The following NINL variants were observed in gnomAD, a reference collection of about 807,000 sequenced individuals.
NINL encodes ninein-like protein.
Under a neutral mutation model 160.3 loss-of-function variants are expected in NINL, and 153 were observed. The observed-to-expected ratio is 0.95, with a 90% CI of 0.84 to 1.09. The LOEUF is 1.09. NINL is among the 50% of genes least tolerant of loss of function. The pLI is 0.00. For synonymous variants in NINL, 800 were observed against 734.8 expected (o/e 1.09, Z -1.43); for missense variants, 1,829 against 1,764.0 (o/e 1.04, Z -0.66).
chr20:25,528,689 T>C (rs1471481965), intron 1 of NINL, among the ~76,000 whole-genome samples: 6 of 152,068 alleles, frequency 3.9e-5, no homozygotes, highest in Non-Finnish European at 2.9e-5. Flanking sequence ...CCTAAAGATA[T>C]TCAGATAAAC....
At chr20:25,532,847 T>C (rs756365245) in intron 1 of NINL, among the ~76,000 whole-genome samples, 4 of 152,164 alleles carry the variant, frequency 2.6e-5, no homozygotes, top group Non-Finnish European at 2.9e-5. Flanking sequence ...ATACACCCGA[T>C]AGAACCTGTC....
At chr20:25,531,278 T>A (rs533246530) in intron 1 of NINL, among the ~76,000 whole-genome samples, 103 of 152,322 alleles carry the variant, frequency 6.8e-4, no homozygotes, top group Non-Finnish European at 1.2e-3. Context: ...GATTTCATAT[T>A]GTTCAAACAC....
chr20:25,550,235 C>G (rs1483502960), intron 1 of NINL, among the ~76,000 whole-genome samples: 1 of 152,170 alleles, frequency 6.6e-6, no homozygotes, highest in Non-Finnish European at 1.5e-5. Context: ...ATTAGCCGGG[C>G]ATGGTGGCAT....
At chr20:25,526,374 G>A (rs751418459) in intron 2 of NINL, 34 bp downstream of exon 2, 1 of 1,567,436 alleles carries the variant, frequency 6.4e-7, no homozygotes, top group Non-Finnish European at 8.7e-7. Flanking sequence ...TAGACCCCGT[G>A]CTTTCCTTTA....
intron 3 of NINL, among the ~76,000 whole-genome samples, chr20:25,516,086 G>A (rs2064155287): frequency 1.3e-5 from 2 of 152,156 alleles, no homozygotes; most frequent in South Asian, 2.1e-4. Context: ...AGATCTGGTT[G>A]TTTAAAAGTG....
chr20:25,543,141 T>C lies in NINL; in HGVS notation c.-11-16543A>G, dbSNP rs1201708760. On this transcript the variant is annotated intron_variant, in intron 1 of 23. Transcript: ENST00000278886. ...ATCTGTTTGTAGATGATACAATCTG[T>C]GTAGAAAATCCTAAAGATTACACAG... Among the ~76,000 whole-genome samples the C allele has an allele frequency of 3.9e-5, 6 of 152,016 alleles. No homozygotes were observed. In the East Asian group the frequency reaches 1.2e-3, roughly 29 times the overall value.
At chr20:25,523,406 C>A (rs1225374426) in intron 2 of NINL, among the ~76,000 whole-genome samples, 1 of 152,016 alleles carries the variant, frequency 6.6e-6, no homozygotes, top group South Asian at 2.1e-4. Flanking sequence ...TGCATGCCAC[C>A]ACATCCAGCT....
chr20:25,489,211 T>C (rs758381436), intron 13 of NINL, 33 bp downstream of exon 13: 28 of 1,604,668 alleles, frequency 1.7e-5, no homozygotes, highest in Non-Finnish European at 2.4e-5. Context: ...AGCCTGGACA[T>C]GAGACTAAAA....
chr20:25,563,579 A>C (rs1014311728), intron 1 of NINL, among the ~76,000 whole-genome samples: 1 of 149,214 alleles, frequency 6.7e-6, no homozygotes, highest in African/African-American at 2.5e-5. Context: ...TGGTCTAAAC[A>C]CACCAATTAA....
At chr20:25,564,043 T>C (rs543044444) in intron 1 of NINL, among the ~76,000 whole-genome samples, 3 of 151,846 alleles carry the variant, frequency 2.0e-5, no homozygotes, top group Admixed American at 2.0e-4. Flanking sequence ...CAAGACCTCA[T>C]CTCTACAAAA....
chr20:25,547,598 G>A lies in NINL; in HGVS notation c.-11-21000C>T, dbSNP rs561089456. On this transcript the variant is annotated intron_variant, in intron 1 of 23. Coordinates refer to ENST00000278886, the MANE Select transcript of NINL (RefSeq NM_025176.6). ...TCTAGGACATCCAGGGGCCTCTGAA[G>A]AGAATTGGAGAATTACGTGGTGTGG... 3.3e-5 allele frequency among the ~76,000 whole-genome samples: 5 copies of A among 152,340 alleles called. No homozygotes were observed. In the East Asian group the frequency reaches 9.6e-4, roughly 29 times the overall value.
chr20:25,550,032 A>G (rs1006826290), intron 1 of NINL, among the ~76,000 whole-genome samples: 4 of 152,258 alleles, frequency 2.6e-5, no homozygotes, highest in African/African-American at 4.8e-5. Context: ...GCATCTGTGT[A>G]TCAAAAGGAA....
rs1215217505 is a variant in NINL, at chr20:25,480,209, C to G, written c.1869G>C (p.Glu623Asp). 6 of 1,614,112 alleles carry G rather than the reference C, an allele frequency of 3.7e-6. No individual in the cohort carries two copies. In the Admixed American group the frequency reaches 8.3e-5, roughly 22 times the overall value. The change falls in exon 15 of 24, where the codon GAG becomes GAC. Residue 623 changes from glutamate (E) to aspartate (D), a missense_variant. Glu to Asp is a conservative substitution (Grantham distance 45). Transcript: ENST00000278886. The part of the protein sequence containing the change: ...PVSIETELMM[E>D]QVKEHYQDLR... ...GGTCTTGGTAATGCTCCTTTACCTG[C>G]TCCATCATCAGCTCCGTTTCTATAC...
chr20:25,495,120 A>G (rs2146727194), intron 10 of NINL, among the ~76,000 whole-genome samples: 1 of 152,204 alleles, frequency 6.6e-6, no homozygotes, highest in Admixed American at 6.5e-5. Context: ...TCACCAACCA[A>G]ACTCACTTCT....
chr20:25,564,225 C>T (rs908889860), intron 1 of NINL, among the ~76,000 whole-genome samples: 29 of 151,540 alleles, frequency 1.9e-4, no homozygotes, highest in Admixed American at 9.2e-4. Flanking sequence ...TATCAGCTCA[C>T]CGCAATCTCT....
chr20:25,495,915 T>C (rs6050651), intron 10 of NINL, among the ~76,000 whole-genome samples: 15,174 of 152,168 alleles, frequency 0.1, 1,289 homozygotes, highest in African/African-American at 0.23. Flanking sequence ...GGGAGGCTGA[T>C]GGGGGTGGAT....
intron 13 of NINL, among the ~76,000 whole-genome samples, chr20:25,484,326 T>A (rs1000244938): frequency 1.6e-4 from 24 of 152,080 alleles, no homozygotes; most frequent in Non-Finnish European, 3.1e-4. Flanking sequence ...ATGCCCTCAG[T>A]CAAGACACAG....
intron 18 of NINL, among the ~76,000 whole-genome samples, chr20:25,469,618 G>A (rs943073804): frequency 6.6e-6 from 1 of 152,074 alleles, no homozygotes; most frequent in Non-Finnish European, 1.5e-5. Context: ...AGGATCCTAG[G>A]AGCACCTCTG....
intron 2 of NINL, among the ~76,000 whole-genome samples, chr20:25,519,297 A>G (rs2064221346): frequency 6.6e-6 from 1 of 152,070 alleles, no homozygotes. Context: ...GTTATCATGT[A>G]TTTTATATGT....
Sources: gnomAD v4.1 joint callset for allele counts (sites outside exome capture counted in the v4.1 genomes callset) on GRCh38, gnomAD v4.1.1 for gene constraint, MANE v1.5 for transcripts, NCBI Gene and HGNC (gene_info 2026-07-23, HGNC 2026-07-21) for gene names.